NRP1: variants seen among roughly 807,000 people sequenced by gnomAD.
NRP1 encodes the protein neuropilin-1.
Under a neutral mutation model 106.7 loss-of-function variants are expected in NRP1, and 35 were observed. The observed-to-expected ratio is 0.33, with a 90% CI of 0.25 to 0.43. The LOEUF (loss-of-function observed/expected upper bound fraction) is 0.43, where lower values mean the gene tolerates loss of function less well. NRP1 is among the 20% of genes least tolerant of loss of function. NRP1 has a pLI of 1.00. For missense variants in NRP1, 1,024 were observed against 1,170.4 expected (o/e 0.87, Z 1.83); for synonymous variants, 437 against 417.9 (o/e 1.05, Z -0.56).
intron 8 of NRP1, among the ~76,000 whole-genome samples, chr10:33,215,210 C>T (rs887728728): frequency 2.0e-5 from 3 of 152,168 alleles, no homozygotes; most frequent in Non-Finnish European, 4.4e-5. Flanking sequence ...ACAGTCTAGA[C>T]GTCATCCTCA....
intron 6 of NRP1, among the ~76,000 whole-genome samples, chr10:33,241,990 G>T (rs1026578208): frequency 5.9e-5 from 9 of 152,116 alleles, no homozygotes; most frequent in African/African-American, 1.9e-4. Flanking sequence ...AAGATAACTA[G>T]ATAAATAGAT....
intron 2 of NRP1, among the ~76,000 whole-genome samples, chr10:33,315,094 G>A (rs1233209169): frequency 6.6e-6 from 1 of 152,168 alleles, no homozygotes; most frequent in Non-Finnish European, 1.5e-5. Context: ...CAGCAATCAG[G>A]ACGTATGCCT....
At chr10:33,202,562 G>A in intron 11 of NRP1, 1 of 1,411,988 alleles carries the variant, frequency 7.1e-7, no homozygotes, top group Non-Finnish European at 9.3e-7. Flanking sequence ...TGGTGCACGT[G>A]TTATTGGGGG....
At chr10:33,268,632 A>T (rs909334158) in intron 3 of NRP1, among the ~76,000 whole-genome samples, 3 of 152,218 alleles carry the variant, frequency 2.0e-5, no homozygotes, top group Non-Finnish European at 2.9e-5. Flanking sequence ...CTGTCTTCAG[A>T]TCTCTAAGAA....
At chr10:33,322,506 C>A (rs1588994254) in intron 2 of NRP1, among the ~76,000 whole-genome samples, 1 of 152,212 alleles carries the variant, frequency 6.6e-6, no homozygotes, top group East Asian at 1.9e-4. Flanking sequence ...GCCTTGGCCC[C>A]CAAAAGCACT....
chr10:33,334,202 G>T lies in NRP1; in HGVS notation c.73+108C>A. The T allele has an allele frequency of 2.1e-6, 2 of 970,100 alleles. 1 individual carries two copies. The highest frequency in any genetic ancestry group is 5.3e-5 in the East Asian group (2 of 37,428). The allele number at this position is 970,100 out of a possible 1,614,324, so 60.1% of individuals were successfully genotyped here. ...AGATAAAAGTTTCCTTCGCCCGGGA[G>T]TCGGTTGTTCCCGGCTGATCCCGGG... On this transcript the variant is annotated intron_variant, in intron 1 of 16. Transcript: ENST00000374867.
intron 16 of NRP1, among the ~76,000 whole-genome samples, chr10:33,181,828 A>G (rs976561155): frequency 2.0e-5 from 3 of 152,208 alleles, no homozygotes; most frequent in African/African-American, 7.2e-5. Flanking sequence ...GGACGGGTGC[A>G]GTGGCTCACG....
intron 16 of NRP1, among the ~76,000 whole-genome samples, chr10:33,180,949 G>A (rs958727415): frequency 1.3e-5 from 2 of 152,198 alleles, no homozygotes; most frequent in Non-Finnish European, 2.9e-5. Flanking sequence ...GAGAATGCTT[G>A]CTGCTGACAT....
intron 4 of NRP1, among the ~76,000 whole-genome samples, chr10:33,257,716 T>C (rs1842293516): frequency 6.6e-6 from 1 of 152,106 alleles, no homozygotes; most frequent in African/African-American, 2.4e-5. Context: ...TGGCAATGAG[T>C]AAACTGGAAA....
At chr10:33,243,059 G>T (rs996017259) in intron 6 of NRP1, among the ~76,000 whole-genome samples, 3 of 152,064 alleles carry the variant, frequency 2.0e-5, no homozygotes, top group Admixed American at 6.6e-5. Context: ...AGACTGGAGG[G>T]ACATGAAAGA....
At chr10:33,236,093 T>C (rs531114509) in intron 6 of NRP1, among the ~76,000 whole-genome samples, 2 of 152,244 alleles carry the variant, frequency 1.3e-5, no homozygotes, top group Non-Finnish European at 2.9e-5. Context: ...ATTTGTAAGT[T>C]ACATTTAATT....
chr10:33,325,465 T>A (rs190702996), intron 2 of NRP1, among the ~76,000 whole-genome samples: 23 of 152,268 alleles, frequency 1.5e-4, no homozygotes, highest in Admixed American at 1.4e-3. Context: ...CTCATATTAC[T>A]CAGGAAAACA....
In NRP1 at chr10:33,254,134, G is replaced by C; in HGVS notation, c.875C>G (p.Thr292Arg). The change falls in exon 6 of 17, where the codon ACA (threonine) becomes AGA (arginine). Residue 292 changes from threonine to arginine, a missense_variant. Physicochemically the swap from Thr to Arg is moderately conservative, Grantham distance 71. Transcript: ENST00000374867. Reference protein sequence around the residue: ...ESGEIHSDQITASSQYSTNWS... With the variant: ...ESGEIHSDQIRASSQYSTNWS... The stretch of plus-strand genomic sequence containing the variant: ...GTTGGTGCTATACTGGGAAGAAGCT[G>C]TGATCTGGTCAGAATGAATTTCTCC... 3 of 1,613,994 alleles carry C rather than the reference G, an allele frequency of 1.9e-6. No homozygotes were observed. Among genetic ancestry groups the C allele is most frequent in the Non-Finnish European group, 1.7e-6 (2 of 1,179,966 alleles).
In NRP1 at chr10:33,287,449, T is replaced by C. The variant is rs186067736; in HGVS notation, c.249-16593A>G. ...TAGCATGTACGACATACATAATTTT[T>C]GGTGGAAAAAGTAGTAATAGCTTAT... is the stretch of plus-strand genomic sequence containing the variant. On this transcript the variant is annotated intron_variant, in intron 2 of 16. Transcript: ENST00000374867. Among the ~76,000 whole-genome samples, 42 of 152,344 alleles carry C rather than the reference T, an allele frequency of 2.8e-4. No homozygotes were observed. The East Asian group carries it at 7.1e-3, about 26-fold the overall frequency.
intron 2 of NRP1, among the ~76,000 whole-genome samples, chr10:33,288,974 G>A: frequency 6.6e-6 from 1 of 152,052 alleles, no homozygotes; most frequent in East Asian, 1.9e-4. Context: ...ATTTTTCTGA[G>A]AATCAAAAAC....
chr10:33,330,701 C>A lies in NRP1; in HGVS notation c.248+7G>T. The A allele has an allele frequency of 6.2e-7, 1 of 1,607,620 alleles. No individual in the cohort carries two copies. Among genetic ancestry groups the A allele is most frequent in the South Asian group, 1.1e-5 (1 of 90,332 alleles). ...GTGGTGCCCTGTTCAAAAACATTCCCACTTACTTGCAGTCTCTGTCCTCCA... is the reference window on the plus strand; with the variant it reads ...GTGGTGCCCTGTTCAAAAACATTCCAACTTACTTGCAGTCTCTGTCCTCCA... On this transcript the variant is annotated splice_region_variant and intron_variant, in intron 2 of 16. Coordinates refer to ENST00000374867, the MANE Select transcript of NRP1 (RefSeq NM_003873.7).
At chr10:33,283,660 T>C (rs1010374539) in intron 2 of NRP1, among the ~76,000 whole-genome samples, 7 of 152,222 alleles carry the variant, frequency 4.6e-5, no homozygotes, top group African/African-American at 1.4e-4. Context: ...GACTAATGAA[T>C]TGGTGTACAG....
chr10:33,314,399 T>G (rs1177490142), intron 2 of NRP1, among the ~76,000 whole-genome samples: 1 of 152,218 alleles, frequency 6.6e-6, no homozygotes, highest in Non-Finnish European at 1.5e-5. Flanking sequence ...CATTCTTTTC[T>G]ATGGTTGCAG....
chr10:33,250,952 G>T (rs1395262355), intron 6 of NRP1, among the ~76,000 whole-genome samples: 1 of 152,146 alleles, frequency 6.6e-6, no homozygotes, highest in Non-Finnish European at 1.5e-5. Flanking sequence ...CAGTGAAGGT[G>T]GGTGGAAGTT....
Sources: allele counts gnomAD v4.1 joint callset (sites outside exome capture counted in the v4.1 genomes callset), GRCh38; gene constraint gnomAD v4.1.1; transcripts MANE v1.5; gene names NCBI Gene and HGNC (gene_info 2026-07-23, HGNC 2026-07-21).